The following PCMT1 variants were observed in gnomAD, a reference collection of about 807,000 sequenced individuals.
The protein encoded by PCMT1 is protein-L-isoaspartate(D-aspartate) O-methyltransferase.
A neutral mutation model predicts 29.2 loss-of-function variants in PCMT1; 9 were observed. The ratio of observed to expected loss-of-function variants is 0.31; its 90% CI spans 0.19 to 0.54. The LOEUF (loss-of-function observed/expected upper bound fraction) is 0.54. PCMT1 is among the 20% of genes least tolerant of loss of function. The probability of loss-of-function intolerance (pLI) is 0.95; values close to 1 mark genes in which losing one functional copy is unlikely to be tolerated. For synonymous variants in PCMT1, 98 were observed against 97.5 expected, an observed-to-expected ratio of 1.00 and a Z score of -0.03; for missense variants, 184 against 282.2, an observed-to-expected ratio of 0.65 and a Z score of 2.49.
Position 149,799,638 on chromosome 6 carries a change from C to A in PCMT1, c.505-2562C>A, listed in dbSNP as rs367694443. ...TGTATTAAAATGCCATTTTTGTCAT[C>A]CAAAAATGAAATGAGGGAAGAGACA... On this transcript the variant is annotated intron_variant, in intron 6 of 7. Transcript: ENST00000464889. Among the ~76,000 whole-genome samples the A allele has an allele frequency of 2.2e-4, 33 of 152,104 alleles. No homozygotes were observed. The East Asian group carries it at 4.3e-3, about 20-fold the overall frequency.
intron 3 of PCMT1, among the ~76,000 whole-genome samples, chr6:149,789,096 T>C: frequency 7.8e-6 from 1 of 127,588 alleles, no homozygotes; most frequent in African/African-American, 3.1e-5. Context: ...TTTTTTGAGA[T>C]GGAGTCTCGC....
chr6:149,805,275 A>C (rs952648246), intron 7 of PCMT1, among the ~76,000 whole-genome samples: 2 of 152,148 alleles, frequency 1.3e-5, no homozygotes. Flanking sequence ...ATGGACAATT[A>C]GTCATCTGCT....
At chr6:149,802,477 A>T in intron 7 of PCMT1, 61 bp downstream of exon 7, 1 of 1,376,522 alleles carries the variant, frequency 7.3e-7, no homozygotes, top group Non-Finnish European at 9.5e-7. Context: ...TGTCACCTTT[A>T]TGCTCCTCCA....
intron 5 of PCMT1, chr6:149,794,849 C>G (rs1035374777): frequency 4.1e-6 from 2 of 489,386 alleles, no homozygotes; most frequent in African/African-American, 3.9e-5. Flanking sequence ...TGACAGATCA[C>G]GGGATTCATC....
chr6:149,789,145 C>G (rs939602205), intron 3 of PCMT1, among the ~76,000 whole-genome samples: 1 of 141,884 alleles, frequency 7.0e-6, no homozygotes, highest in Admixed American at 7.7e-5. Flanking sequence ...GGCATGATCT[C>G]GGATCACTGC....
At chr6:149,767,884 C>T (rs1162000698) in intron 1 of PCMT1, among the ~76,000 whole-genome samples, 1 of 151,326 alleles carries the variant, frequency 6.6e-6, no homozygotes, top group East Asian at 1.9e-4. Context: ...GCCTCCACCT[C>T]CCAGGTTCAA....
intron 3 of PCMT1, among the ~76,000 whole-genome samples, chr6:149,787,145 G>T (rs533320613): frequency 5.7e-4 from 83 of 146,866 alleles, no homozygotes; most frequent in African/African-American, 1.8e-3. Flanking sequence ...AGGTGTGGTG[G>T]CGCGCGCCTG....
chr6:149,781,036 T>G (rs953313909), intron 3 of PCMT1, among the ~76,000 whole-genome samples: 1 of 152,140 alleles, frequency 6.6e-6, no homozygotes, highest in African/African-American at 2.4e-5. Flanking sequence ...TAAAAGAATT[T>G]TATCCATCCT....
chr6:149,802,191 T>C lies in PCMT1; in HGVS notation c.505-9T>C. ...TGGTGATGTATGTGCTTTTTTTTTT[T>C]TCTTTTAGCTAATAGATCAGTTAAA... On this transcript the variant is annotated splice_polypyrimidine_tract_variant and intron_variant, in intron 6 of 7. Coordinates refer to ENST00000464889, the MANE Select transcript of PCMT1 (RefSeq NM_001360452.2). The C allele has an allele frequency of 6.5e-7, 1 of 1,547,020 alleles. No homozygotes were observed.
At chr6:149,782,986 ACT>A (rs1030479648) in intron 3 of PCMT1, among the ~76,000 whole-genome samples, 1 of 152,002 alleles carries the variant, frequency 6.6e-6, no homozygotes, top group African/African-American at 2.4e-5. Flanking sequence ...CAAGACCCTG[ACT>A]CTACAAAAAT....
At chr6:149,752,253 A>G (rs1786352709) in intron 1 of PCMT1, among the ~76,000 whole-genome samples, 1 of 151,730 alleles carries the variant, frequency 6.6e-6, no homozygotes, top group South Asian at 2.1e-4. Flanking sequence ...GCTGGAGTGC[A>G]ATGGCGTGAT....
At chr6:149,796,907 G>A (rs1216576672) in intron 6 of PCMT1, 4 of 153,458 alleles carry the variant, frequency 2.6e-5, no homozygotes, top group South Asian at 2.0e-4. Flanking sequence ...TCCGCCTCCC[G>A]GGTTCAAGTG....
intron 1 of PCMT1, among the ~76,000 whole-genome samples, chr6:149,760,150 T>G (rs188361736): frequency 1.0e-3 from 152 of 152,304 alleles, no homozygotes; most frequent in Non-Finnish European, 1.8e-3. Flanking sequence ...ACTTTGCTGC[T>G]TAGGCTTCTT....
chr6:149,776,912 T>G (rs1306372891), intron 3 of PCMT1, among the ~76,000 whole-genome samples: 1 of 152,180 alleles, frequency 6.6e-6, no homozygotes, highest in Non-Finnish European at 1.5e-5. Context: ...AAATGTGAAA[T>G]AAATATAACT....
Position 149,773,618 on chromosome 6 carries a change from A to G in PCMT1, c.192+449A>G, listed in dbSNP as rs576263424. Among the ~76,000 whole-genome samples the G allele has an allele frequency of 3.9e-5, 6 of 152,280 alleles. No homozygotes were observed. The South Asian group carries it at 1.2e-3, about 32-fold the overall frequency. On this transcript the variant is annotated intron_variant, in intron 3 of 7. Coordinates refer to ENST00000464889, the MANE Select transcript of PCMT1 (RefSeq NM_001360452.2). ...TGGTCTCGATCTCCTGACCCTCGTG[A>G]TCCGCCTGCCTCGGCCTCCCAAAGT...
intron 5 of PCMT1, among the ~76,000 whole-genome samples, chr6:149,794,104 T>G (rs1788497351): frequency 6.6e-6 from 1 of 152,192 alleles, no homozygotes; most frequent in South Asian, 2.1e-4. Flanking sequence ...GACTTACCAA[T>G]TTTTTTCAGT....
At chr6:149,773,768 G>T (rs1010504329) in intron 3 of PCMT1, among the ~76,000 whole-genome samples, 1 of 152,106 alleles carries the variant, frequency 6.6e-6, no homozygotes, top group Non-Finnish European at 1.5e-5. Flanking sequence ...AACATAAAAG[G>T]TTATTTAGTA....
At chr6:149,757,621 G>A (rs1445641682) in intron 1 of PCMT1, among the ~76,000 whole-genome samples, 1 of 152,068 alleles carries the variant, frequency 6.6e-6, no homozygotes, top group African/African-American at 2.4e-5. Context: ...AGGACAAATG[G>A]GAGGCAGATT....
intron 1 of PCMT1, among the ~76,000 whole-genome samples, chr6:149,756,590 C>T (rs1786520991): frequency 7.1e-6 from 1 of 140,930 alleles, no homozygotes; most frequent in Non-Finnish European, 1.5e-5. Flanking sequence ...GTCTCAAACC[C>T]CTGGGCTCAA....
Sources: gnomAD v4.1 joint callset for allele counts (sites outside exome capture counted in the v4.1 genomes callset) on GRCh38, gnomAD v4.1.1 for gene constraint, MANE v1.5 for transcripts, NCBI Gene and HGNC (gene_info 2026-07-23, HGNC 2026-07-21) for gene names.